Variants in DPP10 observed in about 807,000 individuals in gnomAD.
The protein encoded by DPP10 is inactive dipeptidyl peptidase 10.
DPP10 carries 33 observed loss-of-function variants against 120.9 expected under a neutral mutation model. The observed-to-expected ratio is 0.27, with a 90% CI of 0.21 to 0.37. The LOEUF (loss-of-function observed/expected upper bound fraction) is 0.37, where lower values mean the gene tolerates loss of function less well. DPP10 is among the 10% of genes least tolerant of loss of function. DPP10 has a pLI of 1.00. For missense variants in DPP10, 816 were observed against 942.8 expected (o/e 0.87, Z 1.76); for synonymous variants, 337 against 326.1 (o/e 1.03, Z -0.36).
At chr2:114,594,110 C>G (rs150457109) in intron 1 of DPP10, among the ~76,000 whole-genome samples, 23,187 of 151,760 alleles carry the variant, frequency 0.15, 2,231 homozygotes, top group African/African-American at 0.27. Context: ...AAAGGCAGAC[C>G]CACCCTTAAC....
At chr2:115,551,921 C>T (rs1400915316) in intron 5 of DPP10, among the ~76,000 whole-genome samples, 2 of 152,076 alleles carry the variant, frequency 1.3e-5, no homozygotes, top group Non-Finnish European at 2.9e-5. Context: ...ATTAAGTAGG[C>T]AGCTAATTTC....
intron 1 of DPP10, among the ~76,000 whole-genome samples, chr2:114,585,859 A>G (rs1424600844): frequency 6.6e-6 from 1 of 152,188 alleles, no homozygotes. Context: ...AAGCCTCAAG[A>G]AGGGATAGAG....
At chr2:115,812,935 C>A (rs757424381) in intron 19 of DPP10, among the ~76,000 whole-genome samples, 3 of 149,766 alleles carry the variant, frequency 2.0e-5, no homozygotes, top group Non-Finnish European at 3.0e-5. Context: ...GCTAGGACCA[C>A]CATAACTAAA....
intron 1 of DPP10, among the ~76,000 whole-genome samples, chr2:114,937,049 G>A (rs987196288): frequency 6.6e-6 from 1 of 152,100 alleles, no homozygotes; most frequent in Non-Finnish European, 1.5e-5. Flanking sequence ...TGGGTTGTCT[G>A]TGAACTCTAC....
chr2:114,610,820 G>A (rs1015431520), intron 1 of DPP10, among the ~76,000 whole-genome samples: 1 of 152,114 alleles, frequency 6.6e-6, no homozygotes, highest in Non-Finnish European at 1.5e-5. Flanking sequence ...GCCCAGTCTT[G>A]CCAGCAGCTC....
intron 1 of DPP10, among the ~76,000 whole-genome samples, chr2:114,730,304 C>G (rs1676768198): frequency 6.6e-6 from 1 of 152,158 alleles, no homozygotes; most frequent in Admixed American, 6.5e-5. Flanking sequence ...ATAATAGGGC[C>G]ATCATGTCCA....
At chr2:114,497,256 C>T (rs561835718) in intron 1 of DPP10, among the ~76,000 whole-genome samples, 75 of 67,618 alleles carry the variant, frequency 1.1e-3, no homozygotes, top group African/African-American at 3.4e-3. Flanking sequence ...TATGCATGTA[C>T]GTGTGTATAC....
chr2:115,758,239 T>G (rs1679668860), intron 11 of DPP10, among the ~76,000 whole-genome samples: 1 of 152,142 alleles, frequency 6.6e-6, no homozygotes, highest in Non-Finnish European at 1.5e-5. Flanking sequence ...CAAACCAGTC[T>G]TCTAACTTTT....
At chr2:115,380,692 A>G (rs1016285800) in intron 3 of DPP10, among the ~76,000 whole-genome samples, 8 of 151,830 alleles carry the variant, frequency 5.3e-5, no homozygotes, top group East Asian at 1.9e-4. Context: ...GGCTGGTACC[A>G]GTTGTTCCTT....
At chr2:115,184,515 A>G (rs969109839) in intron 1 of DPP10, among the ~76,000 whole-genome samples, 1 of 152,222 alleles carries the variant, frequency 6.6e-6, no homozygotes, top group African/African-American at 2.4e-5. Context: ...ATTCGCTTTG[A>G]AGGCTGCCCT....
At chr2:114,487,611 AG>A (rs2104711257) in intron 1 of DPP10, among the ~76,000 whole-genome samples, 1 of 152,316 alleles carries the variant, frequency 6.6e-6, no homozygotes, top group African/African-American at 2.4e-5. Context: ...TAAATTTTAA[AG>A]GCCTACAGTG....
intron 1 of DPP10, among the ~76,000 whole-genome samples, chr2:114,717,998 A>C (rs988389854): frequency 6.6e-6 from 1 of 152,174 alleles, no homozygotes; most frequent in African/African-American, 2.4e-5. Context: ...ATTCTGATAC[A>C]TAGAACTAGA....
At chr2:115,541,945 G>T (rs1261482360) in intron 5 of DPP10, among the ~76,000 whole-genome samples, 1 of 151,876 alleles carries the variant, frequency 6.6e-6, no homozygotes, top group South Asian at 2.1e-4. Context: ...ACACAAATTT[G>T]CAAATGAGTA....
chr2:114,933,320 A>T (rs1040704470), intron 1 of DPP10, among the ~76,000 whole-genome samples: 1 of 152,218 alleles, frequency 6.6e-6, no homozygotes, highest in Non-Finnish European at 1.5e-5. Context: ...ACCAGGCAAC[A>T]TCAGCCAAGA....
At chr2:114,705,321 A>C (rs1465366913) in intron 1 of DPP10, among the ~76,000 whole-genome samples, 1 of 152,094 alleles carries the variant, frequency 6.6e-6, no homozygotes, top group African/African-American at 2.4e-5. Flanking sequence ...ATTTATCTTA[A>C]ATTTATCACT....
At chr2:115,191,054 T>C (rs1371458509) in intron 1 of DPP10, among the ~76,000 whole-genome samples, 1 of 152,154 alleles carries the variant, frequency 6.6e-6, no homozygotes, top group Non-Finnish European at 1.5e-5. Flanking sequence ...TATGGGGTCC[T>C]TCCCTGAGAC....
At chr2:115,044,904 A>T (rs184477796) in intron 1 of DPP10, among the ~76,000 whole-genome samples, 1 of 152,238 alleles carries the variant, frequency 6.6e-6, no homozygotes, top group Non-Finnish European at 1.5e-5. Context: ...ATTTCACTCA[A>T]CACAATGTCC....
At chr2:115,534,548 T>G (rs1447032650) in intron 5 of DPP10, among the ~76,000 whole-genome samples, 63 of 152,026 alleles carry the variant, frequency 4.1e-4, no homozygotes, top group African/African-American at 1.3e-3. Flanking sequence ...CTTTGCTATT[T>G]TGAATAATGC....
At position 114,918,345 on chromosome 2, in the gene DPP10, G is replaced by A. The variant is rs115957727; in HGVS notation, c.61-390894G>A. 2.7e-3 allele frequency among the ~76,000 whole-genome samples: 408 copies of A among 152,252 alleles called. 3 individuals carry two copies. Among genetic ancestry groups the A allele is most frequent in the African/African-American group, 9.5e-3 (394 of 41,544 alleles). ...GAAAAGGAAATTGTTATACATTGCT[G>A]GTGGGGATATAAGTTAGTTTAACCA... On this transcript the variant is annotated intron_variant, in intron 1 of 25. Transcript: ENST00000410059.
Sources: gnomAD v4.1 joint callset for allele counts (sites outside exome capture counted in the v4.1 genomes callset) on GRCh38, gnomAD v4.1.1 for gene constraint, MANE v1.5 for transcripts, NCBI Gene and HGNC (gene_info 2026-07-23, HGNC 2026-07-21) for gene names.